ADGRA3: variants seen among roughly 807,000 people sequenced by gnomAD.
The protein encoded by ADGRA3 is G-protein coupled receptor 125.
In ADGRA3, 56 loss-of-function variants were observed where a neutral mutation model predicts 119.8. The ratio of observed to expected loss-of-function variants is 0.47; its 90% confidence interval spans 0.38 to 0.58. The LOEUF (loss-of-function observed/expected upper bound fraction) is 0.58, where lower values mean the gene tolerates loss of function less well. Ranked by LOEUF, ADGRA3 falls within the 20% of genes least tolerant of loss-of-function variation. ADGRA3 has a pLI of 0.00. For missense variants in ADGRA3, 1,516 were observed against 1,649.0 expected (o/e 0.92, Z 1.40); for synonymous variants, 607 against 623.8 (o/e 0.97, Z 0.40).
intron 1 of ADGRA3, among the ~76,000 whole-genome samples, chr4:22,489,677 A>G (rs1318587970): frequency 6.6e-6 from 1 of 152,214 alleles, no homozygotes; most frequent in Non-Finnish European, 1.5e-5. Flanking sequence ...TCAAGTTTCC[A>G]AACAGACATG....
chr4:22,438,793 A>G (rs6824750), intron 7 of ADGRA3, among the ~76,000 whole-genome samples: 152,183 of 152,260 alleles, frequency 1, 76,053 homozygotes, highest in Non-Finnish European at 1. Context: ...AGACCAGCCC[A>G]GCCTTCAAGA....
chr4:22,445,462 T>C (rs1716797705), intron 5 of ADGRA3, among the ~76,000 whole-genome samples: 1 of 152,174 alleles, frequency 6.6e-6, no homozygotes, highest in African/African-American at 2.4e-5. Context: ...TTTTTGTCTA[T>C]CGAACTTCTA....
chr4:22,444,939 G>A (rs1716773155), intron 6 of ADGRA3, 34 bp downstream of exon 6: 1 of 1,607,954 alleles, frequency 6.2e-7, no homozygotes, highest in Admixed American at 1.7e-5. Flanking sequence ...TCAAAATATG[G>A]TAAATGCTTT....
chr4:22,445,855 G>A (rs756053308), intron 5 of ADGRA3, among the ~76,000 whole-genome samples: 25 of 152,178 alleles, frequency 1.6e-4, no homozygotes, highest in African/African-American at 4.3e-4. Context: ...TTGGGTGCAA[G>A]AAGAAGAAAG....
Position 22,444,292 on chromosome 4 carries a change from AT to A in ADGRA3, c.706+680del, listed in dbSNP as rs879771750. Reference sequence around the variant, plus strand: ...ATTACTAGATCTAACTGTATCAGTTATTTTTTTTTTGAGATGGAGTTTCACT... The same window carrying A: ...ATTACTAGATCTAACTGTATCAGTTATTTTTTTTTGAGATGGAGTTTCACT... On this transcript the variant is annotated intron_variant, in intron 6 of 18. Transcript: ENST00000334304. 5.3e-5 allele frequency among the ~76,000 whole-genome samples: 8 copies of A among 149,912 alleles called. No individual in the cohort carries two copies. The South Asian group carries it at 8.5e-4, about 16-fold the overall frequency.
chr4:22,488,687 A>G (rs1003062377), intron 1 of ADGRA3, among the ~76,000 whole-genome samples: 3 of 152,266 alleles, frequency 2.0e-5, no homozygotes, highest in African/African-American at 7.2e-5. Context: ...AGAAAGTAAC[A>G]GTACAGAAAT....
At chr4:22,476,175 A>G (rs375819066) in intron 1 of ADGRA3, among the ~76,000 whole-genome samples, 3 of 152,264 alleles carry the variant, frequency 2.0e-5, no homozygotes, top group South Asian at 4.1e-4. Flanking sequence ...AGCAGTTAGC[A>G]CAGGCAAAAC....
chr4:22,398,148 AAATAT>A, intron 16 of ADGRA3: 1 of 980,204 alleles, frequency 1.0e-6, no homozygotes, highest in Non-Finnish European at 1.2e-6. Flanking sequence ...CCTAAAACAA[AAATAT>A]ATCACACAGA....
At chr4:22,500,977 T>A (rs1719030715) in intron 1 of ADGRA3, among the ~76,000 whole-genome samples, 1 of 152,126 alleles carries the variant, frequency 6.6e-6, no homozygotes, top group Non-Finnish European at 1.5e-5. Flanking sequence ...CCCCTAGACA[T>A]CCGGCCTTAA....
At chr4:22,465,036 C>A (rs1370815254) in intron 2 of ADGRA3, among the ~76,000 whole-genome samples, 1 of 152,152 alleles carries the variant, frequency 6.6e-6, no homozygotes, top group African/African-American at 2.4e-5. Context: ...TCTGCCCACT[C>A]CATTCTGAGG....
chr4:22,457,218 C>A (rs1313889572), intron 3 of ADGRA3, among the ~76,000 whole-genome samples: 1 of 152,142 alleles, frequency 6.6e-6, no homozygotes, highest in Non-Finnish European at 1.5e-5. Flanking sequence ...CTAGGGTTCA[C>A]CTACTTCTGA....
At chr4:22,496,508 C>G (rs1262584806) in intron 1 of ADGRA3, among the ~76,000 whole-genome samples, 1 of 152,152 alleles carries the variant, frequency 6.6e-6, no homozygotes, top group Non-Finnish European at 1.5e-5. Flanking sequence ...TTCTTAATAC[C>G]TAGCAACCAG....
intron 3 of ADGRA3, chr4:22,455,758 A>C: frequency 1.7e-6 from 2 of 1,209,746 alleles, no homozygotes; most frequent in Non-Finnish European, 2.2e-6. Context: ...ACTGGTTTAA[A>C]AGTAAAAACT....
intron 2 of ADGRA3, among the ~76,000 whole-genome samples, chr4:22,470,801 GA>G (rs1717831850): frequency 6.6e-6 from 1 of 152,188 alleles, no homozygotes; most frequent in South Asian, 2.1e-4. Context: ...TGGGAAGTGA[GA>G]AAAGAGAATG....
chr4:22,501,081 C>T (rs1315141037), intron 1 of ADGRA3, among the ~76,000 whole-genome samples: 1 of 152,206 alleles, frequency 6.6e-6, no homozygotes, highest in African/African-American at 2.4e-5. Context: ...TGAAACACAT[C>T]ACCAGCTGTC....
At chr4:22,492,078 A>G (rs1718641036) in intron 1 of ADGRA3, among the ~76,000 whole-genome samples, 1 of 152,130 alleles carries the variant, frequency 6.6e-6, no homozygotes, top group Non-Finnish European at 1.5e-5. Flanking sequence ...ATCCTAATAC[A>G]CATATTCCTT....
intron 5 of ADGRA3, among the ~76,000 whole-genome samples, chr4:22,446,192 T>C (rs769087908): frequency 1.3e-5 from 2 of 152,184 alleles, no homozygotes; most frequent in Non-Finnish European, 2.9e-5. Flanking sequence ...AAGGATCTGA[T>C]GTAATACAGC....
chr4:22,436,579 C>T lies in ADGRA3; in HGVS notation c.1148G>A (p.Ser383Asn). The change falls in exon 9 of 19, where the codon AGT becomes AAT. Residue 383 changes from serine to asparagine, a missense_variant. This residue lies in a region of ADGRA3 where 428 missense variants were observed against 541.9 expected (regional missense o/e 0.79). Coordinates refer to ENST00000334304, the MANE Select transcript of ADGRA3 (RefSeq NM_145290.4). ...CTGTGGGTTTCCGGGATATATCCCA[C>T]TGCCATGGGTGTTCCGCGTACACTG... The part of the protein sequence containing the change: ...YLQCTRNTHG[S>N]GIYPGNPQDE... The T allele has an allele frequency of 6.2e-7, 1 of 1,614,106 alleles. No homozygotes were observed. The highest frequency in any genetic ancestry group is 1.1e-5 in the South Asian group (1 of 91,084).
chr4:22,503,756 C>T (rs535571700), intron 1 of ADGRA3, among the ~76,000 whole-genome samples: 112 of 152,190 alleles, frequency 7.4e-4, no homozygotes, highest in African/African-American at 2.6e-3. Flanking sequence ...GAACATTTAC[C>T]GATCGCATTT....
Sources: allele counts gnomAD v4.1 joint callset (sites outside exome capture counted in the v4.1 genomes callset), GRCh38; gene constraint gnomAD v4.1.1; regional missense constraint gnomAD v4.1.1; transcripts MANE v1.5; gene names NCBI Gene and HGNC (gene_info 2026-07-23, HGNC 2026-07-21).